FAM83G: variants seen among roughly 807,000 people sequenced by gnomAD.
FAM83G encodes the protein scaffolding CK1 anchoring protein G, also known as protein FAM83G.
A neutral mutation model predicts 61.5 loss-of-function variants in FAM83G; 38 were observed. The ratio of observed to expected loss-of-function variants is 0.62; its 90% CI spans 0.48 to 0.81. FAM83G has a LOEUF of 0.81. Among genes scored for constraint, FAM83G ranks in the 30% least tolerant of loss-of-function variants. The pLI, the probability that FAM83G is intolerant of heterozygous loss-of-function variation, is 0.00. For synonymous variants in FAM83G, 470 were observed against 476.1 expected, an observed-to-expected ratio of 0.99 and a Z score of 0.17; for missense variants, 989 against 1,133.6, an observed-to-expected ratio of 0.87 and a Z score of 1.83.
intron 5 of FAM83G, among the ~76,000 whole-genome samples, chr17:18,974,642 A>T (rs2042935676): frequency 6.6e-6 from 1 of 152,196 alleles, no homozygotes; most frequent in Admixed American, 6.5e-5. Context: ...CAATGGCCAC[A>T]CCCCAAAACT....
intron 5 of FAM83G, chr17:18,976,191 A>AAAAAAAAAAAAAAAAG (rs2042976308): frequency 1.3e-5 from 2 of 151,504 alleles, no homozygotes; most frequent in African/African-American, 2.4e-5. Context: ...CCGACTCAAA[A>AAAAAAAAAAAAAAAAG]AAAAAGTAAC....
In FAM83G at chr17:18,970,569, G is replaced by T; in HGVS notation, c.*790C>A. ...GCCACATCACCACCAGCCACTCTCA[G>T]CTCTGCTAAAATCACACCCTTCAGG... On this transcript the variant is annotated 3_prime_UTR_variant, in exon 6 of 6. Coordinates refer to ENST00000388995, the MANE Select transcript of FAM83G (RefSeq NM_001039999.3). The T allele has an allele frequency of 5.2e-6, 1 of 191,986 alleles. No homozygotes were observed. The highest frequency in any genetic ancestry group is 1.0e-4 in the South Asian group (1 of 9,550). The allele number at this position is 191,986 out of a possible 1,614,324, so 11.9% of individuals were successfully genotyped here. A position where few individuals can be genotyped will look rare whatever the true frequency, so the allele number is the denominator to read the frequency against.
intron 2 of FAM83G, among the ~76,000 whole-genome samples, chr17:18,991,598 A>T (rs1192083602): frequency 8.5e-5 from 13 of 152,194 alleles, no homozygotes; most frequent in African/African-American, 1.4e-4. Context: ...GGGTCCCATC[A>T]CTGAGCTTGT....
In FAM83G at chr17:18,969,113, C is replaced by T; in HGVS notation, c.*2246G>A. 6.2e-7 allele frequency: 1 copy of T among 1,614,142 alleles called. No homozygotes were observed. The highest frequency in any genetic ancestry group is 8.5e-7 in the Non-Finnish European group (1 of 1,179,990). On this transcript the variant is annotated 3_prime_UTR_variant, in exon 6 of 6. Coordinates refer to ENST00000388995, the MANE Select transcript of FAM83G (RefSeq NM_001039999.3). Reference sequence around the variant, plus strand: ...TGCCTGGGCTGGAACTTCTACCTCTCCACCATCCTCACGCTCGGCATCACA... The same window carrying T: ...TGCCTGGGCTGGAACTTCTACCTCTTCACCATCCTCACGCTCGGCATCACA...
chr17:19,004,256 T>C lies in FAM83G; in HGVS notation c.-128-87A>G, dbSNP rs1597897478. 1 of 428,484 alleles carries C rather than the reference T, an allele frequency of 2.3e-6. No homozygotes were observed. Among genetic ancestry groups the C allele is most frequent in the Non-Finnish European group, 4.1e-6 (1 of 246,912 alleles). 26.5% of individuals were successfully genotyped at this position (428,484 alleles called of 1,614,324 possible). Reference sequence around the variant, plus strand: ...GCGGGGGCGGGGCCGGGAACTCAGGTGGGCGTGGGAAGGACGGGGCTGGGG... The same window carrying C: ...GCGGGGGCGGGGCCGGGAACTCAGGCGGGCGTGGGAAGGACGGGGCTGGGG... On this transcript the variant is annotated intron_variant, in intron 1 of 5. Coordinates refer to ENST00000388995, the MANE Select transcript of FAM83G (RefSeq NM_001039999.3). This position sits in a 1 kb window ranked among gnomAD's most constrained non-coding sequence, Gnocchi z 5.4.
chr17:18,975,270 T>A (rs937924704), intron 5 of FAM83G, among the ~76,000 whole-genome samples: 5 of 152,192 alleles, frequency 3.3e-5, no homozygotes, highest in Non-Finnish European at 7.3e-5. Context: ...CAGCTTGCCC[T>A]GCGTTCGGAG....
intron 2 of FAM83G, among the ~76,000 whole-genome samples, chr17:18,990,043 C>G (rs1190069990): frequency 1.3e-5 from 2 of 152,192 alleles, no homozygotes; most frequent in Non-Finnish European, 2.9e-5. Context: ...ATGACTGCTC[C>G]CTATCTCTCT....
intron 2 of FAM83G, among the ~76,000 whole-genome samples, chr17:18,997,945 G>C (rs1460030539): frequency 6.6e-6 from 1 of 152,204 alleles, no homozygotes; most frequent in Non-Finnish European, 1.5e-5. Context: ...GCACTACCAT[G>C]ACACTGAGGA....
intron 2 of FAM83G, among the ~76,000 whole-genome samples, chr17:18,994,499 C>T (rs752516279): frequency 6.6e-6 from 1 of 152,142 alleles, no homozygotes; most frequent in African/African-American, 2.4e-5. Flanking sequence ...AGCTGATAGC[C>T]GAGCAGCACA....
rs1002438188 is a variant in FAM83G, at chr17:18,969,285, C to T, written c.*2074G>A. The T allele has an allele frequency of 3.1e-6, 5 of 1,590,746 alleles. No homozygotes were observed. Among genetic ancestry groups the T allele is most frequent in the African/African-American group, 1.3e-5 (1 of 74,538 alleles). On this transcript the variant is annotated 3_prime_UTR_variant, in exon 6 of 6. Coordinates refer to ENST00000388995, the MANE Select transcript of FAM83G (RefSeq NM_001039999.3). ...AGCAGGAGCCCCAGAAGTTCCTCCC[C>T]GTGTCCCTCCTCCCTGGGGCCAGGG...
chr17:18,989,969 G>A (rs1315764891), intron 2 of FAM83G, among the ~76,000 whole-genome samples: 1 of 152,230 alleles, frequency 6.6e-6, no homozygotes, highest in Non-Finnish European at 1.5e-5. Context: ...GGACAGCGGA[G>A]GTGTGGGACC....
At chr17:18,984,205 G>A (rs949586974) in intron 3 of FAM83G, among the ~76,000 whole-genome samples, 9 of 152,066 alleles carry the variant, frequency 5.9e-5, no homozygotes, top group Non-Finnish European at 1.3e-4. Context: ...AGCCGGGCGT[G>A]GTGGCGGGCC....
At chr17:18,989,062 C>T (rs2043343524) in intron 2 of FAM83G, among the ~76,000 whole-genome samples, 1 of 152,222 alleles carries the variant, frequency 6.6e-6, no homozygotes, top group Non-Finnish European at 1.5e-5. Flanking sequence ...TAGTCCCCTC[C>T]CTGTCCCTTG....
At position 18,977,588 on chromosome 17, in the gene FAM83G, G is replaced by T; in HGVS notation, c.2078C>A (p.Ala693Glu). 1 of 1,607,694 alleles carries T rather than the reference G, an allele frequency of 6.2e-7. No homozygotes were observed. Residue 693 changes from alanine to glutamate, a missense_variant, in exon 5 of 6, where the codon GCA becomes GAA. By Grantham distance (107) the Ala-to-Glu change is moderately radical (BLOSUM62 -1). Around this residue, in one of 3 missense-constraint regions of FAM83G, gnomAD observed 574 missense variants for 645.1 expected, o/e 0.89. Transcript: ENST00000388995. ...MQAQRSTDKEAQGQQFHHHRV... is the reference protein window; with the variant it reads ...MQAQRSTDKEEQGQQFHHHRV... ...TGTGCAGGGACCCTGACCCACCTGT[G>T]CCTCCTTGTCTGTGGAGCGCTGGGC...
intron 3 of FAM83G, among the ~76,000 whole-genome samples, chr17:18,987,081 G>T (rs1160470748): frequency 2.0e-5 from 3 of 152,200 alleles, no homozygotes; most frequent in Non-Finnish European, 4.4e-5. Flanking sequence ...GTTGGAGGGG[G>T]TGGGCGCGCC....
intron 5 of FAM83G, chr17:18,977,066 A>G: frequency 2.5e-6 from 4 of 1,579,760 alleles, no homozygotes; most frequent in Non-Finnish European, 2.6e-6. Context: ...AAACGTCACC[A>G]GAAGAAGAGG....
intron 5 of FAM83G, chr17:18,976,001 C>A (rs2042967109): frequency 6.6e-6 from 1 of 151,840 alleles, no homozygotes; most frequent in Non-Finnish European, 1.5e-5. Context: ...TCCTGGCTAA[C>A]AAGGTGAAAC....
intron 2 of FAM83G, among the ~76,000 whole-genome samples, chr17:18,992,518 G>T (rs886684584): frequency 3.3e-5 from 5 of 152,240 alleles, no homozygotes; most frequent in Admixed American, 6.5e-5. Context: ...CTGGCTGCTG[G>T]CGTTGGGGGT....
rs936947346 is a variant in FAM83G, at chr17:18,969,221, C to T, written c.*2138G>A. On this transcript the variant is annotated 3_prime_UTR_variant, in exon 6 of 6. Coordinates refer to ENST00000388995, the MANE Select transcript of FAM83G (RefSeq NM_001039999.3). ...TGTAAAGGGGTCAGAAGGCCACCTC[C>T]CCCTACAGGCCCGAGGGAGCAGCCC... 6 of 1,581,732 alleles carry T rather than the reference C, an allele frequency of 3.8e-6. No homozygotes were observed. The highest frequency in any genetic ancestry group is 1.7e-4 in the Middle Eastern group (1 of 5,910).
Sources: gnomAD v4.1 joint callset for allele counts (sites outside exome capture counted in the v4.1 genomes callset) on GRCh38, gnomAD v4.1.1 for gene constraint, gnomAD v4.1.1 regional missense constraint, Gnocchi (gnomAD v3.1) non-coding constraint, MANE v1.5 for transcripts, NCBI Gene and HGNC (gene_info 2026-07-23, HGNC 2026-07-21) for gene names.